Variants in CSMD1 observed in about 807,000 individuals in gnomAD.
The protein encoded by CSMD1 is CUB and sushi domain-containing protein 1.
Under a neutral mutation model 417.5 loss-of-function variants are expected in CSMD1, and 213 were observed. The observed-to-expected ratio is 0.51, with a 90% confidence interval of 0.46 to 0.57. CSMD1 has a LOEUF of 0.57. Among genes scored for constraint, CSMD1 ranks in the 20% least tolerant of loss-of-function variants. The pLI is 0.00. For synonymous variants in CSMD1, 2,862 were observed against 1,736.8 expected (o/e 1.65, Z -16.11); for missense variants, 6,923 against 4,529.7 (o/e 1.53, Z -15.17).
At chr8:4,183,905 C>T (rs368815469) in intron 3 of CSMD1, among the ~76,000 whole-genome samples, 1 of 152,134 alleles carries the variant, frequency 6.6e-6, no homozygotes, top group Non-Finnish European at 1.5e-5. Flanking sequence ...TTGGCCACAG[C>T]TTGGGGCAGC....
intron 2 of CSMD1, among the ~76,000 whole-genome samples, chr8:4,493,444 C>A (rs1010938943): frequency 3.9e-5 from 6 of 152,086 alleles, no homozygotes; most frequent in Non-Finnish European, 5.9e-5. Context: ...GCCTGTAATG[C>A]CAACACTTTG....
At chr8:4,586,160 A>C (rs968343944) in intron 2 of CSMD1, among the ~76,000 whole-genome samples, 1 of 152,184 alleles carries the variant, frequency 6.6e-6, no homozygotes, top group African/African-American at 2.4e-5. Context: ...TTGTGTTTAA[A>C]AACATGCCAA....
At chr8:3,220,440 C>A (rs377314954) in intron 28 of CSMD1, among the ~76,000 whole-genome samples, 7 of 152,314 alleles carry the variant, frequency 4.6e-5, no homozygotes, top group East Asian at 1.9e-4. Context: ...AGTCTCTGAG[C>A]TTTAAAACTA....
chr8:4,879,151 T>TA (rs1372415609), intron 1 of CSMD1, among the ~76,000 whole-genome samples: 1 of 152,098 alleles, frequency 6.6e-6, no homozygotes, highest in Non-Finnish European at 1.5e-5. Flanking sequence ...GTGGCAGCTT[T>TA]AAAAAATATA....
chr8:3,581,431 C>G (rs117937362), intron 9 of CSMD1, among the ~76,000 whole-genome samples: 10 of 152,274 alleles, frequency 6.6e-5, no homozygotes, highest in African/African-American at 2.4e-4. Flanking sequence ...TGTTGCCCCC[C>G]GTTCTCAGAG....
At chr8:4,960,907 T>C (rs1809432868) in intron 1 of CSMD1, among the ~76,000 whole-genome samples, 1 of 152,176 alleles carries the variant, frequency 6.6e-6, no homozygotes. Flanking sequence ...ATACAACTAT[T>C]TACAATGCAT....
At chr8:4,120,526 G>A (rs1198032700) in intron 3 of CSMD1, among the ~76,000 whole-genome samples, 1 of 151,952 alleles carries the variant, frequency 6.6e-6, no homozygotes, top group Non-Finnish European at 1.5e-5. Flanking sequence ...TTCTATATTT[G>A]GCATCTTCTG....
At chr8:4,024,034 A>G (rs892566742) in intron 4 of CSMD1, among the ~76,000 whole-genome samples, 1 of 152,130 alleles carries the variant, frequency 6.6e-6, no homozygotes, top group Non-Finnish European at 1.5e-5. Context: ...ATTGCAATTG[A>G]GAGAACATAG....
chr8:3,990,219 A>C (rs1490414760), intron 5 of CSMD1, among the ~76,000 whole-genome samples: 1 of 152,234 alleles, frequency 6.6e-6, no homozygotes, highest in Non-Finnish European at 1.5e-5. Flanking sequence ...CAGGTATTTC[A>C]TAGTTGATGA....
chr8:4,572,008 T>A (rs1038210986), intron 2 of CSMD1, among the ~76,000 whole-genome samples: 1 of 152,250 alleles, frequency 6.6e-6, no homozygotes, highest in African/African-American at 2.4e-5. Flanking sequence ...TTGGAGCCTA[T>A]GTGTGTCTTC....
chr8:4,442,292 A>C (rs1798529962), intron 2 of CSMD1, among the ~76,000 whole-genome samples: 1 of 152,290 alleles, frequency 6.6e-6, no homozygotes, highest in African/African-American at 2.4e-5. Flanking sequence ...AAATTATTAA[A>C]AGTTAGAAAA....
chr8:4,177,849 C>G (rs370507603), intron 3 of CSMD1, among the ~76,000 whole-genome samples: 162 of 151,570 alleles, frequency 1.1e-3, no homozygotes, highest in African/African-American at 2.5e-3. Flanking sequence ...ATAAATTCCT[C>G]GACACATACA....
intron 1 of CSMD1, among the ~76,000 whole-genome samples, chr8:4,691,105 C>T (rs1260913294): frequency 6.6e-6 from 1 of 152,086 alleles, no homozygotes; most frequent in Admixed American, 6.6e-5. Context: ...TTTTCCCCAT[C>T]TTTATGACAG....
intron 5 of CSMD1, among the ~76,000 whole-genome samples, chr8:3,921,880 G>C (rs562651991): frequency 2.5e-4 from 38 of 152,232 alleles, no homozygotes; most frequent in African/African-American, 8.7e-4. Flanking sequence ...GGAAGGTTCT[G>C]CATGTGTCTG....
intron 10 of CSMD1, among the ~76,000 whole-genome samples, chr8:3,520,039 T>TATATATATATGTATATAC (rs545212684): frequency 6.8e-6 from 1 of 147,110 alleles, no homozygotes; most frequent in Non-Finnish European, 1.5e-5. Flanking sequence ...TATATATATA[T>TATATATATATGTATATAC]ACACGTATAG....
At chr8:4,917,628 C>T (rs1366377608) in intron 1 of CSMD1, among the ~76,000 whole-genome samples, 11 of 150,598 alleles carry the variant, frequency 7.3e-5, no homozygotes, top group South Asian at 2.1e-4. Flanking sequence ...AGCGAGACTC[C>T]GTCTCAAAAT....
At chr8:4,492,188 C>A (rs932603677) in intron 2 of CSMD1, among the ~76,000 whole-genome samples, 2 of 152,192 alleles carry the variant, frequency 1.3e-5, no homozygotes, top group Non-Finnish European at 2.9e-5. Flanking sequence ...CCTCTGACTT[C>A]AAGGGATCTG....
chr8:4,867,919 A>G (rs1299024737), intron 1 of CSMD1, among the ~76,000 whole-genome samples: 1 of 151,276 alleles, frequency 6.6e-6, no homozygotes, highest in Admixed American at 6.6e-5. Flanking sequence ...TTTTCGAGCT[A>G]AGACCCTACT....
At position 3,686,377 on chromosome 8, in the gene CSMD1, C is replaced by T. The variant is rs553009304; in HGVS notation, c.1009+22037G>A. 3.9e-5 allele frequency among the ~76,000 whole-genome samples: 6 copies of T among 152,146 alleles called. No homozygotes were observed. In the South Asian group the frequency reaches 8.3e-4, roughly 21 times the overall value. The stretch of plus-strand genomic sequence containing the variant: ...TCACTTTTCTAGGATAGGGAGGTGC[C>T]GCCACACTGACGATGAGAGTTGCAT... On this transcript the variant is annotated intron_variant, in intron 7 of 69. Transcript: ENST00000635120.
Sources: allele counts gnomAD v4.1 joint callset (sites outside exome capture counted in the v4.1 genomes callset), GRCh38; gene constraint gnomAD v4.1.1; transcripts MANE v1.5; gene names NCBI Gene and HGNC (gene_info 2026-07-23, HGNC 2026-07-21).